The following NMUR1 variants were observed in gnomAD, a reference collection of about 807,000 sequenced individuals.
NMUR1 encodes the protein neuromedin-U receptor 1.
In NMUR1, 16 loss-of-function variants were observed where a neutral mutation model predicts 18.8. The observed-to-expected ratio is 0.85, with a 90% confidence interval of 0.58 to 1.29. The LOEUF (loss-of-function observed/expected upper bound fraction) is 1.29. NMUR1 is among the 50% of genes most tolerant of loss of function. The pLI, the probability that NMUR1 is intolerant of heterozygous loss-of-function variation, is 0.00. For synonymous variants in NMUR1, 258 were observed against 258.2 expected (o/e 1.00, Z 0.01); for missense variants, 529 against 580.3 (o/e 0.91, Z 0.91).
downstream of NMUR1, among the ~76,000 whole-genome samples, chr2:231,521,666 G>A (rs1186529203): frequency 1.3e-5 from 2 of 152,158 alleles, no homozygotes; most frequent in Admixed American, 6.5e-5. Context: ...GAGGAGGAGG[G>A]ATATGGTGAC....
Position 231,525,075 on chromosome 2 carries a change from G to A in NMUR1, c.1249C>T (p.Pro417Ser). The change falls in exon 3 of 3, where the codon CCA becomes TCA. Residue 417 changes from proline to serine, a missense_variant. By Grantham distance (74) the Pro-to-Ser change is moderately conservative. Coordinates refer to ENST00000305141, the MANE Select transcript of NMUR1 (RefSeq NM_006056.5). Reference sequence around the variant, plus strand: ...GGATCGGTCTCTTGCTGCGCCTCTGGGCCATCGTTCCCAGCCAGGGGGTGG... The same window carrying A: ...GGATCGGTCTCTTGCTGCGCCTCTGAGCCATCGTTCCCAGCCAGGGGGTGG... ...WVHPLAGNDGPEAQQETDPS is the reference protein window; with the variant it reads ...WVHPLAGNDGSEAQQETDPS 4 of 1,598,336 alleles carry A rather than the reference G, an allele frequency of 2.5e-6. No homozygotes were observed. The highest frequency in any genetic ancestry group is 2.7e-5 in the African/African-American group (2 of 74,816).
chr2:231,520,689 G>A (rs1439166559), downstream of NMUR1, among the ~76,000 whole-genome samples: 2 of 152,202 alleles, frequency 1.3e-5, no homozygotes, highest in Non-Finnish European at 2.9e-5. Context: ...TCCATTAGAA[G>A]ACAAGAATAG....
chr2:231,528,301 G>A lies in NMUR1; in HGVS notation c.720C>T (p.Phe240=), dbSNP rs2047377261. 3 of 1,613,216 alleles carry A rather than the reference G, an allele frequency of 1.9e-6. No individual in the cohort carries two copies. Among genetic ancestry groups the A allele is most frequent in the Admixed American group, 1.7e-5 (1 of 59,966 alleles). Residue 240 remains phenylalanine (F), a synonymous_variant, in exon 2 of 3, where the codon TTC becomes TTT. Transcript: ENST00000305141. ...MVVQTTALLF[F]CLPMAIMSVL... ...CGCTCATGATGGCCATGGGCAGGCA[G>A]AAGAAGAGCAGCGCGGTGGTCTGCA...
chr2:231,529,118 A>G (rs2047390968), intron 1 of NMUR1, 101 bp from the exon 2 acceptor site: 1 of 1,155,574 alleles, frequency 8.7e-7, no homozygotes, highest in South Asian at 1.6e-5. Context: ...TATGATGACC[A>G]TTATTTTAGG....
In NMUR1 at chr2:231,530,405, A is replaced by G; in HGVS notation, c.-44T>C. The G allele has an allele frequency of 6.8e-7, 1 of 1,471,728 alleles. No homozygotes were observed. The highest frequency in any genetic ancestry group is 2.4e-5 in the Admixed American group (1 of 42,010). 91.2% of individuals were successfully genotyped at this position (1,471,728 alleles called of 1,614,324 possible). On this transcript the variant is annotated 5_prime_UTR_variant, in exon 1 of 3. Transcript: ENST00000305141. ...GACCCCGGCTTCCACCCTCCGAGCGACGGACACAGACGCGGCGCGGGAGCC... is the reference window on the plus strand; with the variant it reads ...GACCCCGGCTTCCACCCTCCGAGCGGCGGACACAGACGCGGCGCGGGAGCC...
Position 231,528,688 on chromosome 2 carries a change from C to T in NMUR1, c.333G>A (p.Leu111=). Residue 111 remains leucine, a synonymous_variant, in exon 2 of 3, where the codon CTG becomes CTA. Transcript: ENST00000305141. ...SLAVSDLLVL[L]VGLPLELYEM... is the part of the protein sequence containing the mutation. ...CATAGAGCTCCAGGGGCAGGCCCAC[C>T]AGCAGCACCAGCAGGTCCGACACGG... is the stretch of plus-strand genomic sequence containing the variant. The T allele has an allele frequency of 6.2e-7, 1 of 1,614,246 alleles. No homozygotes were observed.
At chr2:231,519,931 AATAAG>A (rs756225429), downstream of NMUR1, among the ~76,000 whole-genome samples, 47 of 152,306 alleles carry the variant, frequency 3.1e-4, no homozygotes, top group Non-Finnish European at 5.3e-4. Flanking sequence ...GTCTCTATAA[AATAAG>A]ATAAGAAGAT....
At chr2:231,527,018 C>CAA (rs1430405668) in intron 2 of NMUR1, among the ~76,000 whole-genome samples, 19 of 152,244 alleles carry the variant, frequency 1.2e-4, no homozygotes, top group African/African-American at 4.6e-4. Flanking sequence ...GCTGTTTAGA[C>CAA]AAATGGTCTC....
At chr2:231,526,831 C>G (rs565703995) in intron 2 of NMUR1, among the ~76,000 whole-genome samples, 2 of 151,942 alleles carry the variant, frequency 1.3e-5, no homozygotes, top group Non-Finnish European at 2.9e-5. Context: ...GATCTTTGAT[C>G]GGCTTAGTAT....
rs2047385916 is a variant in NMUR1, at chr2:231,528,760, G to C, written c.261C>G (p.Arg87=). ...TGGTAGGCGTGCGCATGGCCTTGTGGCGCAGGATGACCAGACAGGTCAGCC... is the reference window on the plus strand; with the variant it reads ...TGGTAGGCGTGCGCATGGCCTTGTGCCGCAGGATGACCAGACAGGTCAGCC... ...GNGLTCLVIL[R]HKAMRTPTNY... Residue 87 remains arginine (R), a synonymous_variant, in exon 2 of 3, where the codon CGC becomes CGG. Coordinates refer to ENST00000305141, the MANE Select transcript of NMUR1 (RefSeq NM_006056.5). 2 of 1,614,126 alleles carry C rather than the reference G, an allele frequency of 1.2e-6. No individual in the cohort carries two copies. The highest frequency in any genetic ancestry group is 1.7e-6 in the Non-Finnish European group (2 of 1,180,046).
chr2:231,529,024 A>G lies in NMUR1; in HGVS notation c.4-7T>C. ...AATTGAGGCAGAGAGGAGTCTGTGG[A>G]ACAGAGGGGAGAGATGCCCAGAAAG... On this transcript the variant is annotated splice_polypyrimidine_tract_variant and splice_region_variant and intron_variant, in intron 1 of 2. Transcript: ENST00000305141. 6.3e-7 allele frequency: 1 copy of G among 1,590,544 alleles called. No homozygotes were observed. Among genetic ancestry groups the G allele is most frequent in the African/African-American group, 1.3e-5 (1 of 74,658 alleles).
downstream of NMUR1, among the ~76,000 whole-genome samples, chr2:231,521,973 C>T (rs891266130): frequency 3.6e-5 from 3 of 83,826 alleles, no homozygotes; most frequent in Non-Finnish European, 6.5e-5. Flanking sequence ...TTTTTTTTCT[C>T]TTTTTTTTTT....
downstream of NMUR1, among the ~76,000 whole-genome samples, chr2:231,520,692 A>G (rs1240507051): frequency 2.0e-5 from 3 of 152,228 alleles, no homozygotes; most frequent in Admixed American, 2.0e-4. Flanking sequence ...ATTAGAAGAC[A>G]AGAATAGGGA....
In NMUR1 at chr2:231,528,340, G is replaced by A. The variant is rs1287142890; in HGVS notation, c.681C>T (p.Leu227=). The A allele has an allele frequency of 6.2e-7, 1 of 1,613,310 alleles. No individual in the cohort carries two copies. The highest frequency in any genetic ancestry group is 2.2e-5 in the East Asian group (1 of 44,882). ...CGGTGGTCTGCACTACCATGTTGTA[G>A]AGGGCCCGTGGGCGGACCAGCATGC... ...AVCMLVRPRA[L]YNMVVQTTAL... is the part of the protein sequence containing the mutation. The change falls in exon 2 of 3, where the codon CTC becomes CTT. Residue 227 remains leucine (L), a synonymous_variant. Coordinates refer to ENST00000305141, the MANE Select transcript of NMUR1 (RefSeq NM_006056.5).
chr2:231,525,205 G>A lies in NMUR1; in HGVS notation c.1119C>T (p.Leu373=), dbSNP rs113977385. ...FRETFQEALC[L]GACCHRLRPR... ...GTCTGAGGCGATGGCAGCAGGCCCC[G>A]AGGCACAGGGCCTCCTGGAAGGTCT... Residue 373 remains leucine (L), a synonymous_variant, in exon 3 of 3, where the codon CTC becomes CTT. Transcript: ENST00000305141. 5.1e-4 allele frequency: 831 copies of A among 1,614,128 alleles called. 5 individuals carry two copies. In the African/African-American group the frequency reaches 9.5e-3, roughly 18 times the overall value.
chr2:231,528,485 C>A lies in NMUR1; in HGVS notation c.536G>T (p.Arg179Leu). 6.2e-7 allele frequency: 1 copy of A among 1,613,650 alleles called. No homozygotes were observed. Among genetic ancestry groups the A allele is most frequent in the Non-Finnish European group, 8.5e-7 (1 of 1,180,032 alleles). ...ACCCCAGACGGCCCCAAGCACTCGG[C>A]GCACATGGGCCCGCGTCACCATGGA... The part of the protein sequence containing the change: ...ARSMVTRAHV[R>L]RVLGAVWGLA... Residue 179 changes from arginine (R) to leucine (L), a missense_variant, in exon 2 of 3, where the codon CGC (arginine) becomes CTC (leucine). By Grantham distance (102) the Arg-to-Leu change is moderately radical. Coordinates refer to ENST00000305141, the MANE Select transcript of NMUR1 (RefSeq NM_006056.5).
At chr2:231,530,070 G>A (rs753354480) in intron 1 of NMUR1, among the ~76,000 whole-genome samples, 50 of 152,012 alleles carry the variant, frequency 3.3e-4, no homozygotes, top group Non-Finnish European at 3.7e-4. Flanking sequence ...CCTCACCCCC[G>A]CTGCACAGCA....
chr2:231,520,155 C>G (rs1159018437), downstream of NMUR1, among the ~76,000 whole-genome samples: 1 of 152,186 alleles, frequency 6.6e-6, no homozygotes, highest in East Asian at 1.9e-4. Context: ...AATGTGTAAC[C>G]TTCAAGCCAG....
Position 231,528,285 on chromosome 2 carries a change from T to G in NMUR1, c.736A>C (p.Ile246Leu). Residue 246 changes from isoleucine (I) to leucine (L), a missense_variant, in exon 2 of 3, where the codon ATC (isoleucine) becomes CTC (leucine). Coordinates refer to ENST00000305141, the MANE Select transcript of NMUR1 (RefSeq NM_006056.5). The part of the protein sequence containing the change: ...ALLFFCLPMA[I>L]MSVLYLLIGL... ...ATGAGCAGGTAGAGCACGCTCATGA[T>G]GGCCATGGGCAGGCAGAAGAAGAGC... 1.9e-6 allele frequency: 3 copies of G among 1,613,816 alleles called. No homozygotes were observed. The highest frequency in any genetic ancestry group is 2.5e-6 in the Non-Finnish European group (3 of 1,179,742).
Sources: allele counts gnomAD v4.1 joint callset (sites outside exome capture counted in the v4.1 genomes callset), GRCh38; gene constraint gnomAD v4.1.1; transcripts MANE v1.5; gene names NCBI Gene and HGNC (gene_info 2026-07-23, HGNC 2026-07-21).